Variants in HDAC9 observed in about 807,000 individuals in gnomAD.
The protein encoded by HDAC9 is MEF-2 interacting transcription repressor (MITR) protein.
Under a neutral mutation model 139.4 loss-of-function variants are expected in HDAC9, and 41 were observed. That is an observed-to-expected ratio of 0.29 (90% CI 0.23 to 0.38). The LOEUF (loss-of-function observed/expected upper bound fraction) is 0.38. HDAC9 is among the 10% of genes least tolerant of loss of function. HDAC9 has a pLI of 1.00. For synonymous variants in HDAC9, 517 were observed against 476.2 expected (o/e 1.09, Z -1.12); for missense variants, 1,147 against 1,297.0 (o/e 0.88, Z 1.78).
chr7:18,790,504 C>G (rs1272937394), intron 16 of HDAC9, among the ~76,000 whole-genome samples: 1 of 152,130 alleles, frequency 6.6e-6, no homozygotes, highest in Non-Finnish European at 1.5e-5. Context: ...AACTTCAAAG[C>G]CTCCAGAATT....
chr7:18,471,708 C>T (rs1374261543), intron 1 of HDAC9, among the ~76,000 whole-genome samples: 1 of 152,096 alleles, frequency 6.6e-6, no homozygotes, highest in African/African-American at 2.4e-5. Context: ...GTTTTTAATT[C>T]TGAGAGATTG....
At chr7:18,989,551 G>A (rs927356306) in intron 25 of HDAC9, among the ~76,000 whole-genome samples, 3 of 150,072 alleles carry the variant, frequency 2.0e-5, no homozygotes, top group African/African-American at 7.4e-5. Context: ...CTCTTCTTGA[G>A]GAGTATCTTT....
chr7:18,395,090 A>C (rs1348522457), intron 1 of HDAC9: 1 of 152,136 alleles, frequency 6.6e-6, no homozygotes. Context: ...TGATACTTGC[A>C]CTGTTTGACT....
chr7:19,000,468 C>T lies in HDAC9; in HGVS notation c.*4406C>T, dbSNP rs1786697315. 1 of 152,354 alleles carries T rather than the reference C, an allele frequency of 6.6e-6. No homozygotes were observed. Among genetic ancestry groups the T allele is most frequent in the East Asian group, 1.9e-4 (1 of 5,186 alleles). 9.4% of individuals were successfully genotyped at this position (152,354 alleles called of 1,614,324 possible). A position where few individuals can be genotyped will look rare whatever the true frequency, so the allele number is the denominator to read the frequency against. On this transcript the variant is annotated 3_prime_UTR_variant, in exon 26 of 26. Coordinates refer to ENST00000686413, the MANE Select transcript of HDAC9 (RefSeq NM_178425.4). ...TGTAAGTGAACGTGGTATACTCACA[C>T]ATGCTATACTCATACTACATAACTT...
chr7:18,486,023 G>T (rs897560632), intron 1 of HDAC9, among the ~76,000 whole-genome samples: 2 of 152,128 alleles, frequency 1.3e-5, no homozygotes, highest in Non-Finnish European at 2.9e-5. Flanking sequence ...CATGGTAAGG[G>T]CATCTTGTGT....
chr7:18,913,241 G>A (rs1181383505), intron 22 of HDAC9, among the ~76,000 whole-genome samples: 5 of 151,726 alleles, frequency 3.3e-5, no homozygotes, highest in Admixed American at 6.6e-5. Context: ...ATCTTAATTC[G>A]CCATGTCTAA....
chr7:18,094,215 A>G (rs954769259), intron 1 of HDAC9, among the ~76,000 whole-genome samples: 1 of 152,196 alleles, frequency 6.6e-6, no homozygotes, highest in Non-Finnish European at 1.5e-5. Flanking sequence ...ACTGTTCTCA[A>G]AGAAGGAAAT....
At chr7:18,347,918 T>G (rs1315356876) in intron 1 of HDAC9, among the ~76,000 whole-genome samples, 1 of 152,168 alleles carries the variant, frequency 6.6e-6, no homozygotes, top group Non-Finnish European at 1.5e-5. Flanking sequence ...CCTCTGTTTT[T>G]ACAAAGTAGA....
intron 24 of HDAC9, among the ~76,000 whole-genome samples, chr7:18,955,239 G>T (rs984917868): frequency 1.3e-5 from 2 of 152,066 alleles, no homozygotes; most frequent in Non-Finnish European, 1.5e-5. Flanking sequence ...ACAAAGCAGC[G>T]AAGGCTGGAG....
intron 2 of HDAC9, among the ~76,000 whole-genome samples, chr7:18,208,500 T>A (rs1584642176): frequency 6.6e-6 from 1 of 151,604 alleles, no homozygotes; most frequent in East Asian, 2.0e-4. Flanking sequence ...CTCAGGCTCC[T>A]TAGTAGCTAG....
rs567809598 is a variant in HDAC9 at position 18,151,071 on chromosome 7, T to C, written c.-96-11158T>C. ...AATACATGCATATATATATGCATTTTTTTTTTGCAGAACTGGAATATAAAA... is the reference window on the plus strand; with the variant it reads ...AATACATGCATATATATATGCATTTCTTTTTTGCAGAACTGGAATATAAAA... On this transcript the variant is annotated intron_variant, in intron 1 of 12. Transcript: ENST00000417496. 9.2e-5 allele frequency among the ~76,000 whole-genome samples: 14 copies of C among 152,334 alleles called. No homozygotes were observed. In the South Asian group the frequency reaches 2.7e-3, roughly 29 times the overall value.
chr7:18,089,480 A>G (rs866268075), intron 1 of HDAC9, among the ~76,000 whole-genome samples: 194 of 152,072 alleles, frequency 1.3e-3, no homozygotes, highest in African/African-American at 4.4e-3. Context: ...GCCACTATAT[A>G]TAAATAATTA....
chr7:18,710,178 A>G (rs1232174325), intron 12 of HDAC9, among the ~76,000 whole-genome samples: 2 of 152,106 alleles, frequency 1.3e-5, no homozygotes, highest in African/African-American at 2.4e-5. Flanking sequence ...TGAGAACAGC[A>G]TGGAAGAAAC....
At chr7:18,690,963 G>C (rs1554329761) in intron 12 of HDAC9, among the ~76,000 whole-genome samples, 2 of 151,458 alleles carry the variant, frequency 1.3e-5, no homozygotes, top group Admixed American at 1.3e-4. Flanking sequence ...GGGATTGTAG[G>C]GAAAACAAAA....
At chr7:18,687,878 G>A (rs1782389869) in intron 12 of HDAC9, among the ~76,000 whole-genome samples, 1 of 151,734 alleles carries the variant, frequency 6.6e-6, no homozygotes, top group African/African-American at 2.4e-5. Context: ...GATTGTTTTA[G>A]TCTTTACCCA....
At chr7:18,963,829 T>C (rs1783681086) in intron 24 of HDAC9, among the ~76,000 whole-genome samples, 1 of 152,204 alleles carries the variant, frequency 6.6e-6, no homozygotes, top group South Asian at 2.1e-4. Context: ...AATTGTTGAC[T>C]TGCACACCTA....
At chr7:18,814,126 C>A (rs75372561) in intron 17 of HDAC9, among the ~76,000 whole-genome samples, 2,222 of 152,274 alleles carry the variant, frequency 0.015, 54 homozygotes, top group African/African-American at 0.051. Context: ...TTTCTTCAGA[C>A]TCTACATCAC....
upstream of HDAC9, among the ~76,000 whole-genome samples, chr7:18,286,315 A>G (rs577678213): frequency 6.6e-6 from 1 of 151,588 alleles, no homozygotes; most frequent in Admixed American, 6.6e-5. Context: ...TGGTTCAATT[A>G]GTCCCTCTCT....
chr7:18,797,142 G>C (rs1415170751), intron 17 of HDAC9, among the ~76,000 whole-genome samples: 2 of 152,142 alleles, frequency 1.3e-5, no homozygotes, highest in African/African-American at 2.4e-5. Context: ...GTAAGTACAG[G>C]ATACTGGCTC....
Sources: gnomAD v4.1 joint callset for allele counts (sites outside exome capture counted in the v4.1 genomes callset) on GRCh38, gnomAD v4.1.1 for gene constraint, MANE v1.5 for transcripts, NCBI Gene and HGNC (gene_info 2026-07-23, HGNC 2026-07-21) for gene names.